Variants in TRIP12 observed in about 807,000 individuals in gnomAD.
TRIP12 encodes the protein thyroid hormone receptor interactor 12, also known as E3 ubiquitin-protein ligase TRIP12.
Under a neutral mutation model 244.2 loss-of-function variants are expected in TRIP12, and 25 were observed. That is an observed-to-expected ratio of 0.10 (90% CI 0.07 to 0.14). The LOEUF is 0.14. Ranked by LOEUF, TRIP12 falls within the 10% of genes least tolerant of loss-of-function variation. The pLI, the probability that TRIP12 is intolerant of heterozygous loss-of-function variation, is 1.00. For synonymous variants in TRIP12, 905 were observed against 873.1 expected (o/e 1.04, Z -0.64); for missense variants, 1,677 against 2,486.4 (o/e 0.67, Z 6.92).
chr2:229,779,572 T>A (rs1035457629), intron 34 of TRIP12, among the ~76,000 whole-genome samples: 4 of 152,204 alleles, frequency 2.6e-5, no homozygotes. Context: ...AATAGAGATA[T>A]GTCGAATAAA....
At chr2:229,771,673 A>C (rs765313966) in intron 38 of TRIP12, 41 bp from the exon 39 acceptor site, 2 of 1,474,930 alleles carry the variant, frequency 1.4e-6, no homozygotes, top group African/African-American at 1.4e-5. Context: ...ACAAGATTTC[A>C]AATCTCTTTA....
intron 2 of TRIP12, among the ~76,000 whole-genome samples, chr2:229,864,184 G>A (rs191225274): frequency 3.2e-4 from 49 of 151,800 alleles, no homozygotes; most frequent in Admixed American, 6.6e-4. Context: ...AAAAATAACC[G>A]GGCTGATATG....
At chr2:229,784,939 AG>A (rs2039515233) in intron 34 of TRIP12, among the ~76,000 whole-genome samples, 1 of 152,268 alleles carries the variant, frequency 6.6e-6, no homozygotes, top group Non-Finnish European at 1.5e-5. Context: ...TACCCAAAGA[AG>A]TAAAAACATG....
rs372495336 is a variant in TRIP12, at chr2:229,858,976, G to C, written c.823C>G (p.Arg275Gly). Residue 275 changes from arginine (R) to glycine (G), a missense_variant, in exon 4 of 42, where the codon CGT (arginine) becomes GGT (glycine). Coordinates refer to ENST00000675903, the MANE Select transcript of TRIP12 (RefSeq NM_001348323.3). The part of the protein sequence containing the change: ...KQGKDQNKAR[R>G]SRSASSPSPR... ...CTGGGACTGGACGCTGAACGGGAAC[G>C]CCTGGCCTTGTTCTGATCTTTTCCT... 8 of 1,614,140 alleles carry C rather than the reference G, an allele frequency of 5.0e-6. No homozygotes were observed. In the South Asian group the frequency reaches 8.8e-5, roughly 18 times the overall value.
chr2:229,919,827 T>C (rs541588061), intron 1 of TRIP12, among the ~76,000 whole-genome samples: 14 of 152,286 alleles, frequency 9.2e-5, no homozygotes, highest in Non-Finnish European at 1.9e-4. Context: ...AATCATATTA[T>C]GTACTCTTAA....
chr2:229,828,494 G>A (rs485775), intron 8 of TRIP12, among the ~76,000 whole-genome samples: 148,819 of 152,256 alleles, frequency 0.98, 72,829 homozygotes, highest in Middle Eastern at 1. Context: ...GAAACAGGCC[G>A]GGCACAGTGG....
At chr2:229,917,111 T>C (rs1246770152) in intron 1 of TRIP12, among the ~76,000 whole-genome samples, 5 of 151,992 alleles carry the variant, frequency 3.3e-5, no homozygotes, top group African/African-American at 1.2e-4. Context: ...CCGGGCGCGG[T>C]GGCTCACGCC....
intron 2 of TRIP12, among the ~76,000 whole-genome samples, chr2:229,869,800 G>A (rs2062210448): frequency 6.6e-6 from 1 of 152,088 alleles, no homozygotes; most frequent in Admixed American, 6.6e-5. Flanking sequence ...TCCTAGAAAA[G>A]GCTAAGAGTC....
Position 229,813,941 on chromosome 2 carries a change from T to G in TRIP12, c.1915A>C (p.Ser639Arg), listed in dbSNP as rs1221470547. ...ALAIAANCCQ[S>R]ITPDEFHFVA... Reference sequence around the variant, plus strand: ...AAATGAAATTCATCTGGCGTGATACTCTGGCAGCAATTAGCTGCAATTGCT... The same window carrying G: ...AAATGAAATTCATCTGGCGTGATACGCTGGCAGCAATTAGCTGCAATTGCT... The change falls in exon 13 of 42, where the codon AGT becomes CGT. Residue 639 changes from serine to arginine, a missense_variant. Physicochemically the swap from Ser to Arg is moderately radical, Grantham distance 110. Transcript: ENST00000675903. 1 of 1,600,024 alleles carries G rather than the reference T, an allele frequency of 6.2e-7. No individual in the cohort carries two copies.
At chr2:229,797,004 A>G (rs2042980510) in intron 24 of TRIP12, among the ~76,000 whole-genome samples, 1 of 150,430 alleles carries the variant, frequency 6.6e-6, no homozygotes, top group African/African-American at 2.5e-5. Context: ...ATAATAACAT[A>G]AGAAGAAAAT....
intron 1 of TRIP12, among the ~76,000 whole-genome samples, chr2:229,912,161 C>T (rs2074406983): frequency 6.6e-6 from 1 of 152,158 alleles, no homozygotes; most frequent in African/African-American, 2.4e-5. Context: ...GACAATAAAC[C>T]AGCTTCTGCT....
chr2:229,875,888 A>G (rs888562874), intron 2 of TRIP12, among the ~76,000 whole-genome samples: 1 of 152,202 alleles, frequency 6.6e-6, no homozygotes, highest in African/African-American at 2.4e-5. Context: ...TTCTCTCCCA[A>G]TTAATCCCAA....
intron 8 of TRIP12, among the ~76,000 whole-genome samples, chr2:229,825,256 A>C (rs1268682086): frequency 6.6e-6 from 1 of 152,208 alleles, no homozygotes. Context: ...GTTAAATAAA[A>C]ACCCTGTAGA....
intron 26 of TRIP12, 29 bp downstream of exon 26, chr2:229,795,150 C>A: frequency 6.3e-7 from 1 of 1,596,808 alleles, no homozygotes; most frequent in South Asian, 1.1e-5. Context: ...ATTCCAGTGG[C>A]AAGGGTATAG....
intron 15 of TRIP12, among the ~76,000 whole-genome samples, chr2:229,808,984 GTC>G (rs2046568212): frequency 6.6e-6 from 1 of 152,148 alleles, no homozygotes; most frequent in South Asian, 2.1e-4. Flanking sequence ...GGAACTCTCA[GTC>G]TCTACCGTTT....
In TRIP12 at chr2:229,859,154, CGCA is replaced by C. The variant is rs1559915955; in HGVS notation, c.642_644del (p.Ala215del). The C allele has an allele frequency of 6.2e-7, 1 of 1,614,152 alleles. No homozygotes were observed. Among genetic ancestry groups the C allele is most frequent in the Non-Finnish European group, 8.5e-7 (1 of 1,180,028 alleles). ...ATTTTGAAGCCAGCTTGGTAGGTTTCGCAGATCTCTCTTCTGCACCAGTTGATT... is the reference window on the plus strand; with the variant it reads ...ATTTTGAAGCCAGCTTGGTAGGTTTCGATCTCTCTTCTGCACCAGTTGATT... On this transcript the variant is annotated inframe_deletion, in exon 4 of 42. Transcript: ENST00000675903.
chr2:229,876,550 T>C (rs1407759599), intron 2 of TRIP12, among the ~76,000 whole-genome samples: 2 of 152,254 alleles, frequency 1.3e-5, no homozygotes, highest in African/African-American at 4.8e-5. Context: ...AGATTTGTCA[T>C]TCTACAAATC....
intron 33 of TRIP12, 46 bp from the exon 34 acceptor site, chr2:229,785,901 TA>T (rs1253613896): frequency 6.6e-6 from 10 of 1,507,364 alleles, no homozygotes; most frequent in Non-Finnish European, 9.0e-6. Flanking sequence ...CTACCCATAT[TA>T]CACTTTAATA....
At chr2:229,782,829 G>A (rs554326492) in intron 34 of TRIP12, among the ~76,000 whole-genome samples, 9 of 152,202 alleles carry the variant, frequency 5.9e-5, no homozygotes, top group African/African-American at 1.7e-4. Context: ...CAACTTTGAG[G>A]TTATACTATT....
Sources: allele counts gnomAD v4.1 joint callset (sites outside exome capture counted in the v4.1 genomes callset), GRCh38; gene constraint gnomAD v4.1.1; transcripts MANE v1.5; gene names NCBI Gene and HGNC (gene_info 2026-07-23, HGNC 2026-07-21).